FOXN3: variants seen among roughly 807,000 people sequenced by gnomAD.
FOXN3 encodes forkhead box N3.
In FOXN3, 7 loss-of-function variants were observed where a neutral mutation model predicts 38.4. The ratio of observed to expected loss-of-function variants is 0.18; its 90% CI spans 0.10 to 0.34. FOXN3 has a LOEUF of 0.34. FOXN3 is among the 10% of genes least tolerant of loss of function. FOXN3 has a pLI of 1.00. For synonymous variants in FOXN3, 230 were observed against 242.2 expected, an observed-to-expected ratio of 0.95 and a Z score of 0.47; for missense variants, 456 against 613.4, an observed-to-expected ratio of 0.74 and a Z score of 2.71.
At chr14:89,225,765 C>T (rs943051538) in intron 4 of FOXN3, among the ~76,000 whole-genome samples, 21 of 152,122 alleles carry the variant, frequency 1.4e-4, no homozygotes, top group Non-Finnish European at 2.8e-4. Context: ...CTTTTACTAA[C>T]TGGAAACTCA....
At chr14:89,286,624 C>T (rs963013579) in intron 3 of FOXN3, among the ~76,000 whole-genome samples, 1 of 152,096 alleles carries the variant, frequency 6.6e-6, no homozygotes, top group Non-Finnish European at 1.5e-5. Flanking sequence ...AATCACCCAC[C>T]ACAAAAAATC....
At chr14:89,255,050 G>A (rs968620763) in intron 4 of FOXN3, among the ~76,000 whole-genome samples, 2 of 152,172 alleles carry the variant, frequency 1.3e-5, no homozygotes, top group Non-Finnish European at 2.9e-5. Context: ...AATTCTTAGA[G>A]GCTAAGTTCC....
intron 1 of FOXN3, among the ~76,000 whole-genome samples, chr14:89,500,463 T>C (rs1310144195): frequency 6.6e-6 from 1 of 152,178 alleles, no homozygotes; most frequent in African/African-American, 2.4e-5. Flanking sequence ...ATCAGCCTTA[T>C]TCAATAGGAG....
chr14:89,609,291 T>C (rs546836368), intron 1 of FOXN3, among the ~76,000 whole-genome samples: 2 of 152,138 alleles, frequency 1.3e-5, no homozygotes, highest in African/African-American at 4.8e-5. Context: ...AGCCTCAACC[T>C]CCCAAGCTCA....
chr14:89,165,344 T>G (rs995050307), intron 5 of FOXN3, among the ~76,000 whole-genome samples: 37 of 152,348 alleles, frequency 2.4e-4, no homozygotes, highest in African/African-American at 8.4e-4. Context: ...TGAACTGTCC[T>G]GAGCACAGAG....
chr14:89,505,763 G>C (rs1397865319), intron 1 of FOXN3, among the ~76,000 whole-genome samples: 1 of 151,634 alleles, frequency 6.6e-6, no homozygotes, highest in Non-Finnish European at 1.5e-5. Flanking sequence ...GAGCCTCTCT[G>C]CCTGGCTGCC....
chr14:89,466,633 A>G (rs571988334), intron 1 of FOXN3, among the ~76,000 whole-genome samples: 3 of 152,288 alleles, frequency 2.0e-5, no homozygotes, highest in Non-Finnish European at 2.9e-5. Context: ...CAACACAGGA[A>G]GTGCTGCAAG....
chr14:89,167,683 T>C (rs1596076793), intron 5 of FOXN3, among the ~76,000 whole-genome samples: 1 of 152,266 alleles, frequency 6.6e-6, no homozygotes, highest in East Asian at 1.9e-4. Flanking sequence ...TCAAGTACAG[T>C]AACTTGTTTT....
intron 1 of FOXN3, among the ~76,000 whole-genome samples, chr14:89,455,318 T>G (rs538998833): frequency 6.6e-6 from 1 of 152,324 alleles, no homozygotes; most frequent in East Asian, 1.9e-4. Context: ...CATCTGGAGT[T>G]AGAGTCAGCC....
chr14:89,410,899 AAAGAAAAAAGAAAG>A (rs1166709101), intron 2 of FOXN3, among the ~76,000 whole-genome samples: 1 of 148,096 alleles, frequency 6.8e-6, no homozygotes, highest in Non-Finnish European at 1.5e-5. Flanking sequence ...AAAAAAGAAA[AAAGAAAAAAGAAAG>A]AAAAAGAAAG....
At chr14:89,541,081 G>A (rs927206209) in intron 1 of FOXN3, among the ~76,000 whole-genome samples, 20 of 152,274 alleles carry the variant, frequency 1.3e-4, no homozygotes, top group African/African-American at 4.3e-4. Flanking sequence ...TGTACATTGT[G>A]TCATTGGAAG....
At chr14:89,553,695 A>G (rs866142682) in intron 1 of FOXN3, among the ~76,000 whole-genome samples, 19 of 152,168 alleles carry the variant, frequency 1.2e-4, no homozygotes, top group African/African-American at 4.6e-4. Context: ...AAGTCAGGGA[A>G]AGGGAATATC....
intron 3 of FOXN3, among the ~76,000 whole-genome samples, chr14:89,284,226 G>A (rs1030255613): frequency 6.6e-6 from 1 of 151,896 alleles, no homozygotes; most frequent in South Asian, 2.1e-4. Flanking sequence ...CTGTTGCTGA[G>A]GCTGGTCTCA....
rs190682050 is a variant in FOXN3, at chr14:89,460,326, T to C, written c.-14-47836A>G. Among the ~76,000 whole-genome samples the C allele has an allele frequency of 1.9e-3, 282 of 152,238 alleles. 1 individual carries two copies. The highest frequency in any genetic ancestry group is 3.3e-3 in the Non-Finnish European group (223 of 68,026). ...GCGCATGGGTGCTGTTTCATCTGTG[T>C]GGGATCTAGTAACCAACAGGAATCG... On this transcript the variant is annotated intron_variant, in intron 1 of 6. Transcript: ENST00000345097.
rs1481298307 is a variant in FOXN3, at chr14:89,191,973, T to TATATATATATAA, written c.746-11168_746-11167insTTATATATATAT. On this transcript the variant is annotated intron_variant, in intron 4 of 5. Coordinates refer to ENST00000557258, the MANE Select transcript of FOXN3 (RefSeq NM_005197.4). ...GTATATATATATATACACATATATA[T>TATATATATATAA]AACTATAATATATAATATATATTAG... 1.3e-4 allele frequency among the ~76,000 whole-genome samples: 18 copies of TATATATATATAA among 135,190 alleles called. 1 individual carries two copies. The highest frequency in any genetic ancestry group is 5.7e-4 in the African/African-American group (18 of 31,702). The allele number at this position is 135,190 out of a possible 152,430, so 88.7% of individuals were successfully genotyped here. A position where few individuals can be genotyped will look rare whatever the true frequency, so the allele number is the denominator to read the frequency against.
chr14:89,287,749 T>TAAAAAAAAAAA (rs58930677), intron 3 of FOXN3, among the ~76,000 whole-genome samples: 1 of 129,704 alleles, frequency 7.7e-6, no homozygotes. Context: ...TAAAGAATGC[T>TAAAAAAAAAAA]AAAAAAAAAA....
At position 89,415,604 on chromosome 14, in the gene FOXN3, CAAAAAAAAA is replaced by C. The variant is rs34026101; in HGVS notation, c.-15+1258_-15+1266del. On this transcript the variant is annotated intron_variant, in intron 1 of 5. Transcript: ENST00000557258. The stretch of plus-strand genomic sequence containing the variant: ...AAAAACAAAACAAAACAACAATAAC[CAAAAAAAAA>C]AAAAAAAAAAAAAAAAAACAGTTCC... Among the ~76,000 whole-genome samples the C allele has an allele frequency of 9.7e-3, 527 of 54,280 alleles. 8 individuals are homozygous for C. The highest frequency in any genetic ancestry group is 0.028 in the African/African-American group (496 of 17,890). 35.6% of individuals were successfully genotyped at this position (54,280 alleles called of 152,430 possible).
At chr14:89,273,485 T>C (rs557108163) in intron 4 of FOXN3, among the ~76,000 whole-genome samples, 3 of 152,292 alleles carry the variant, frequency 2.0e-5, no homozygotes, top group Non-Finnish European at 2.9e-5. Context: ...AAATACAGGA[T>C]ATCTGACTGG....
At chr14:89,317,895 A>G (rs1887770423) in intron 3 of FOXN3, among the ~76,000 whole-genome samples, 1 of 149,500 alleles carries the variant, frequency 6.7e-6, no homozygotes, top group Non-Finnish European at 1.5e-5. Flanking sequence ...TGTGAACTGC[A>G]CATGTGAGGG....
Sources: allele counts gnomAD v4.1 joint callset (sites outside exome capture counted in the v4.1 genomes callset), GRCh38; gene constraint gnomAD v4.1.1; transcripts MANE v1.5; gene names NCBI Gene and HGNC (gene_info 2026-07-23, HGNC 2026-07-21).